XKR6: variants seen among roughly 807,000 people sequenced by gnomAD.
The protein encoded by XKR6 is XK related 6.
Under a neutral mutation model 56.7 loss-of-function variants are expected in XKR6, and 22 were observed. The observed-to-expected ratio is 0.39, with a 90% CI of 0.28 to 0.55. The LOEUF (loss-of-function observed/expected upper bound fraction) is 0.55, where lower values mean the gene tolerates loss of function less well. XKR6 is among the 20% of genes least tolerant of loss of function. XKR6 has a pLI of 0.66. For missense variants in XKR6, 852 were observed against 889.0 expected, an observed-to-expected ratio of 0.96 and a Z score of 0.53; for synonymous variants, 524 against 387.8, an observed-to-expected ratio of 1.35 and a Z score of -4.13.
chr8:11,027,657 G>A (rs115198552), intron 1 of XKR6, among the ~76,000 whole-genome samples: 3,089 of 152,298 alleles, frequency 0.02, 110 homozygotes, highest in African/African-American at 0.07. Context: ...TCAAGGCCTT[G>A]CAGCAAGATG....
At chr8:11,049,846 G>A (rs367699658) in intron 1 of XKR6, among the ~76,000 whole-genome samples, 2 of 152,210 alleles carry the variant, frequency 1.3e-5, no homozygotes, top group Non-Finnish European at 1.5e-5. Context: ...TCACTAAGGG[G>A]CAAACAGCGC....
At position 10,918,110 on chromosome 8, in the gene XKR6, G is replaced by T. The variant is rs190803013; in HGVS notation, c.961+6524C>A. ...TCTGGATAAGCTTTTTTGACCTCTG[G>T]GTCAGGATAGAAATGATCTCCAAGG... On this transcript the variant is annotated intron_variant, in intron 2 of 2. Transcript: ENST00000416569. Among the ~76,000 whole-genome samples, 565 of 152,268 alleles carry T rather than the reference G, an allele frequency of 3.7e-3. 2 individuals carry two copies. The highest frequency in any genetic ancestry group is 0.013 in the African/African-American group (528 of 41,548).
intron 1 of XKR6, among the ~76,000 whole-genome samples, chr8:11,151,279 T>C (rs980083330): frequency 2.0e-5 from 3 of 152,204 alleles, no homozygotes; most frequent in Non-Finnish European, 4.4e-5. Flanking sequence ...TAAACCGTAT[T>C]TATTGAACTT....
chr8:10,968,438 G>A (rs144565864), intron 1 of XKR6, among the ~76,000 whole-genome samples: 28 of 152,342 alleles, frequency 1.8e-4, no homozygotes, highest in African/African-American at 6.5e-4. Context: ...CCCCAGCTTT[G>A]TGCCCTCAGG....
At chr8:11,122,329 T>C (rs1272875443) in intron 1 of XKR6, among the ~76,000 whole-genome samples, 2 of 152,260 alleles carry the variant, frequency 1.3e-5, no homozygotes, top group African/African-American at 2.4e-5. Flanking sequence ...TATTTGTCCA[T>C]TTTACTTTAC....
chr8:11,191,126 ACT>A (rs954894718), intron 1 of XKR6, among the ~76,000 whole-genome samples: 6 of 152,134 alleles, frequency 3.9e-5, no homozygotes, highest in Non-Finnish European at 7.4e-5. Flanking sequence ...CGAAGCTTAA[ACT>A]CATTAACTGT....
chr8:10,908,572 T>C (rs6997997), intron 2 of XKR6, among the ~76,000 whole-genome samples: 74,018 of 151,914 alleles, frequency 0.49, 19,400 homozygotes, highest in African/African-American at 0.64. Flanking sequence ...AATGCTCTTC[T>C]TCCAGTATCG....
At chr8:11,188,700 T>C (rs10156356) in intron 1 of XKR6, among the ~76,000 whole-genome samples, 58,069 of 152,036 alleles carry the variant, frequency 0.38, 11,793 homozygotes, top group Middle Eastern at 0.46. Flanking sequence ...GTCTTCCTTA[T>C]GACCAAACAA....
At chr8:11,059,648 G>C (rs912305772) in intron 1 of XKR6, among the ~76,000 whole-genome samples, 18 of 151,038 alleles carry the variant, frequency 1.2e-4, no homozygotes, top group Non-Finnish European at 2.5e-4. Context: ...GGGCGGGACA[G>C]GTGCGGGGGG....
chr8:11,151,238 T>C (rs1021833369), intron 1 of XKR6, among the ~76,000 whole-genome samples: 4 of 152,240 alleles, frequency 2.6e-5, no homozygotes, highest in African/African-American at 9.6e-5. Flanking sequence ...GTATGCAACC[T>C]TGAAATTATT....
intron 1 of XKR6, among the ~76,000 whole-genome samples, chr8:10,981,002 A>G (rs189350380): frequency 9.3e-4 from 141 of 152,184 alleles, no homozygotes; most frequent in African/African-American, 3.2e-3. Flanking sequence ...AGAGCCCAAC[A>G]TTGTTCTTTC....
chr8:11,022,135 A>G (rs1251888241), intron 1 of XKR6, among the ~76,000 whole-genome samples: 1 of 149,320 alleles, frequency 6.7e-6, no homozygotes, highest in Admixed American at 6.7e-5. Context: ...CAGACAGTGC[A>G]TCCTAGATAG....
At chr8:11,084,817 G>A (rs1322731996) in intron 1 of XKR6, among the ~76,000 whole-genome samples, 1 of 152,186 alleles carries the variant, frequency 6.6e-6, no homozygotes, top group African/African-American at 2.4e-5. Flanking sequence ...AGCTTGGAGG[G>A]AAGGGAAAGG....
At chr8:11,147,345 T>C (rs1354227156) in intron 1 of XKR6, among the ~76,000 whole-genome samples, 2 of 152,048 alleles carry the variant, frequency 1.3e-5, no homozygotes, top group African/African-American at 4.8e-5. Context: ...GTGCATGAAA[T>C]CTCAACGGAC....
intron 1 of XKR6, among the ~76,000 whole-genome samples, chr8:10,999,127 A>G (rs1468739262): frequency 6.6e-6 from 1 of 152,218 alleles, no homozygotes; most frequent in East Asian, 1.9e-4. Context: ...TTTCAAATCC[A>G]TCAAGCATGC....
intron 1 of XKR6, among the ~76,000 whole-genome samples, chr8:10,977,790 G>C (rs1189834916): frequency 6.6e-6 from 1 of 151,548 alleles, no homozygotes; most frequent in Non-Finnish European, 1.5e-5. Flanking sequence ...AGGAGTAATA[G>C]CACATACCTT....
intron 1 of XKR6, chr8:11,137,433 A>T (rs1800461167): frequency 2.7e-6 from 1 of 368,846 alleles, no homozygotes; most frequent in Non-Finnish European, 5.3e-6. Flanking sequence ...ATTCTCCCTC[A>T]AACGTGGACA....
chr8:11,162,789 G>A (rs765812576), intron 1 of XKR6, among the ~76,000 whole-genome samples: 1 of 152,208 alleles, frequency 6.6e-6, no homozygotes, highest in Non-Finnish European at 1.5e-5. Flanking sequence ...GCCAGAAAAA[G>A]AACTTTGTAA....
At chr8:11,151,560 C>G (rs1801268666) in intron 1 of XKR6, among the ~76,000 whole-genome samples, 1 of 152,168 alleles carries the variant, frequency 6.6e-6, no homozygotes, top group Admixed American at 6.5e-5. Context: ...TCCCTAAAAG[C>G]TCATGCTAAA....
Sources: gnomAD v4.1 joint callset for allele counts (sites outside exome capture counted in the v4.1 genomes callset) on GRCh38, gnomAD v4.1.1 for gene constraint, MANE v1.5 for transcripts, NCBI Gene and HGNC (gene_info 2026-07-23, HGNC 2026-07-21) for gene names.